CNBD1: variants seen among roughly 807,000 people sequenced by gnomAD.
The protein encoded by CNBD1 is cyclic nucleotide binding domain containing 1.
A neutral mutation model predicts 54.4 loss-of-function variants in CNBD1; 71 were observed. That is an observed-to-expected ratio of 1.30 (90% confidence interval 1.08 to 1.59). The LOEUF (loss-of-function observed/expected upper bound fraction) is 1.59. CNBD1 is among the 40% of genes most tolerant of loss of function. CNBD1 has a pLI of 0.00. For synonymous variants in CNBD1, 182 were observed against 170.7 expected (o/e 1.07, Z -0.51); for missense variants, 659 against 518.0 (o/e 1.27, Z -2.64).
At chr8:87,278,131 T>C (rs1320239523) in intron 6 of CNBD1, among the ~76,000 whole-genome samples, 1 of 151,398 alleles carries the variant, frequency 6.6e-6, no homozygotes, top group African/African-American at 2.4e-5. Flanking sequence ...GAACATGTCA[T>C]AAGTAAATAT....
intron 4 of CNBD1, among the ~76,000 whole-genome samples, chr8:87,054,238 A>G (rs1309222330): frequency 3.3e-5 from 5 of 152,220 alleles, no homozygotes; most frequent in Non-Finnish European, 5.9e-5. Flanking sequence ...TCTGACTCCA[A>G]TTACTCTCCA....
intron 4 of CNBD1, among the ~76,000 whole-genome samples, chr8:87,078,888 T>C (rs1366815173): frequency 6.6e-6 from 1 of 152,184 alleles, no homozygotes; most frequent in Non-Finnish European, 1.5e-5. Flanking sequence ...ATTTTTAATA[T>C]CAACTTTATG....
At chr8:87,275,067 A>G in intron 6 of CNBD1, among the ~76,000 whole-genome samples, 1 of 134,532 alleles carries the variant, frequency 7.4e-6, no homozygotes. Context: ...CAGGTTTGTC[A>G]AAGATCAGAT....
At chr8:86,940,120 T>TAA (rs1401765302) in intron 4 of CNBD1, among the ~76,000 whole-genome samples, 1 of 142,764 alleles carries the variant, frequency 7.0e-6, no homozygotes, top group African/African-American at 2.6e-5. Flanking sequence ...TAAATAAACT[T>TAA]ACCACATGTT....
At chr8:87,004,709 T>C (rs1809060467) in intron 4 of CNBD1, among the ~76,000 whole-genome samples, 1 of 151,798 alleles carries the variant, frequency 6.6e-6, no homozygotes, top group Non-Finnish European at 1.5e-5. Flanking sequence ...GGCAGAAAAA[T>C]ATCATATGCT....
chr8:87,365,328 C>T (rs1003631997), intron 10 of CNBD1, among the ~76,000 whole-genome samples: 6 of 151,780 alleles, frequency 4.0e-5, no homozygotes, highest in African/African-American at 1.5e-4. Context: ...ATGTCTTTTG[C>T]TCAGTTTTTA....
chr8:87,354,123 C>G (rs533028315), intron 10 of CNBD1, among the ~76,000 whole-genome samples: 28 of 152,258 alleles, frequency 1.8e-4, no homozygotes, highest in Admixed American at 7.2e-4. Context: ...CCAGGGCAAC[C>G]AGCCCTGCTC....
At chr8:87,276,728 G>A (rs1012136894) in intron 6 of CNBD1, among the ~76,000 whole-genome samples, 1 of 151,838 alleles carries the variant, frequency 6.6e-6, no homozygotes, top group African/African-American at 2.4e-5. Flanking sequence ...GATTAGAGTG[G>A]CTATAATTCA....
intron 3 of CNBD1, among the ~76,000 whole-genome samples, chr8:86,925,148 G>T (rs1235993093): frequency 6.6e-6 from 1 of 152,090 alleles, no homozygotes; most frequent in Non-Finnish European, 1.5e-5. Flanking sequence ...TTTTAACCTT[G>T]GATGTGTTTG....
At chr8:87,018,661 G>A (rs1025554627) in intron 4 of CNBD1, among the ~76,000 whole-genome samples, 2 of 152,004 alleles carry the variant, frequency 1.3e-5, no homozygotes, top group African/African-American at 2.4e-5. Context: ...CCAAGATCAT[G>A]GTATTCTAAA....
chr8:86,972,157 G>A (rs1278838938), intron 4 of CNBD1, among the ~76,000 whole-genome samples: 3 of 151,944 alleles, frequency 2.0e-5, no homozygotes, highest in Non-Finnish European at 2.9e-5. Flanking sequence ...TCACCATCTT[G>A]GCCAGGCTGA....
At chr8:86,935,009 GTTTGTTTGTTTA>G (rs71275897) in intron 3 of CNBD1, among the ~76,000 whole-genome samples, 66,159 of 139,810 alleles carry the variant, frequency 0.47, 15,862 homozygotes, top group South Asian at 0.59. Context: ...ATTTGGGTTT[GTTTGTTTGTTTA>G]TTTATTTATT....
In CNBD1 at chr8:87,073,884, G is replaced by A. The variant is rs183422007; in HGVS notation, c.432-132109G>A. 3.9e-3 allele frequency among the ~76,000 whole-genome samples: 600 copies of A among 152,106 alleles called. 11 individuals are homozygous for A. Among genetic ancestry groups the A allele is most frequent in the Middle Eastern group, 3.4e-3 (1 of 294 alleles). On this transcript the variant is annotated intron_variant, in intron 4 of 10. Transcript: ENST00000518476. Reference sequence around the variant, plus strand: ...TGGGAGGCTGAGGTGGGCAGATCACGAGGTCAGGAGATTGAGACCATCCTG... The same window carrying A: ...TGGGAGGCTGAGGTGGGCAGATCACAAGGTCAGGAGATTGAGACCATCCTG...
intron 4 of CNBD1, among the ~76,000 whole-genome samples, chr8:87,029,136 G>A (rs1402691012): frequency 7.2e-5 from 11 of 152,154 alleles, no homozygotes; most frequent in Admixed American, 6.5e-4. Context: ...GGAATTATTT[G>A]TCCCTAAATT....
At chr8:86,879,377 G>A (rs1366253246) in intron 1 of CNBD1, among the ~76,000 whole-genome samples, 1 of 152,148 alleles carries the variant, frequency 6.6e-6, no homozygotes, top group African/African-American at 2.4e-5. Context: ...AACTATTCTT[G>A]TGGTGCTGTA....
rs144461789 is a variant in CNBD1 at position 87,392,956 on chromosome 8, T to C, written c.214-35590T>C. On this transcript the variant is annotated intron_variant, in intron 2 of 7. Transcript: ENST00000521593. The stretch of plus-strand genomic sequence containing the variant: ...ACATGGCTAGCATTTAACTAGTTTT[T>C]ATTTATAAAAAGAGAATTTCAAGTG... Among the ~76,000 whole-genome samples the C allele has an allele frequency of 3.9e-3, 596 of 152,100 alleles. 7 individuals carry two copies. Among genetic ancestry groups the C allele is most frequent in the Middle Eastern group, 0.037 (11 of 294 alleles).
At chr8:87,285,568 C>G (rs1158022172) in intron 7 of CNBD1, among the ~76,000 whole-genome samples, 1 of 152,036 alleles carries the variant, frequency 6.6e-6, no homozygotes, top group Non-Finnish European at 1.5e-5. Context: ...GAAACCCCTT[C>G]TCTACTAAAA....
intron 10 of CNBD1, among the ~76,000 whole-genome samples, chr8:87,366,595 A>G (rs1810647744): frequency 6.6e-6 from 1 of 152,102 alleles, no homozygotes; most frequent in South Asian, 2.1e-4. Context: ...TACATCTGCA[A>G]AAATCCCTGT....
At chr8:86,986,197 C>T (rs556601420) in intron 4 of CNBD1, among the ~76,000 whole-genome samples, 64 of 152,124 alleles carry the variant, frequency 4.2e-4, no homozygotes, top group Non-Finnish European at 7.5e-4. Context: ...CAAAGTGCTG[C>T]GATTACAGGC....
Sources: allele counts gnomAD v4.1 joint callset (sites outside exome capture counted in the v4.1 genomes callset), GRCh38; gene constraint gnomAD v4.1.1; transcripts MANE v1.5; gene names NCBI Gene and HGNC (gene_info 2026-07-23, HGNC 2026-07-21).